The following TACR3 variants were observed in gnomAD, a reference collection of about 807,000 sequenced individuals.
TACR3 encodes neuromedin-K receptor.
A neutral mutation model predicts 35.0 loss-of-function variants in TACR3; 34 were observed. The observed-to-expected ratio is 0.97, with a 90% CI of 0.74 to 1.30. The LOEUF is 1.30. Among genes scored for constraint, TACR3 ranks in the 50% most tolerant of loss-of-function variants. The pLI is 0.00. For missense variants in TACR3, 558 were observed against 591.7 expected, an observed-to-expected ratio of 0.94 and a Z score of 0.59; for synonymous variants, 233 against 221.1, an observed-to-expected ratio of 1.05 and a Z score of -0.48.
In TACR3 at chr4:103,586,865, A is replaced by G. The variant is rs982371433; in HGVS notation, c.*2817T>C. 6.6e-6 allele frequency: 1 copy of G among 152,084 alleles called. No homozygotes were observed. The highest frequency in any genetic ancestry group is 2.4e-5 in the African/African-American group (1 of 41,402). 9.4% of individuals were successfully genotyped at this position (152,084 alleles called of 1,614,324 possible). A position where few individuals can be genotyped will look rare whatever the true frequency, so the allele number is the denominator to read the frequency against. ...TACTTTGTCCAGATGCAAAATAGTA[A>G]GCAATGTTTATTTTTGATTTAATGT... is the stretch of plus-strand genomic sequence containing the variant. On this transcript the variant is annotated 3_prime_UTR_variant, in exon 5 of 5. Transcript: ENST00000304883.
At chr4:103,656,732 C>T (rs1725741333) in intron 2 of TACR3, among the ~76,000 whole-genome samples, 1 of 151,982 alleles carries the variant, frequency 6.6e-6, no homozygotes, top group Non-Finnish European at 1.5e-5. Context: ...AATGAATCAA[C>T]CGGCATATGT....
chr4:103,666,564 A>G (rs1451147735), intron 1 of TACR3, among the ~76,000 whole-genome samples: 3 of 152,200 alleles, frequency 2.0e-5, no homozygotes, highest in African/African-American at 4.8e-5. Context: ...CACTCTAAGA[A>G]CTTTATATAT....
At chr4:103,610,817 CAG>C (rs1724496646) in intron 3 of TACR3, among the ~76,000 whole-genome samples, 1 of 152,088 alleles carries the variant, frequency 6.6e-6, no homozygotes, top group Non-Finnish European at 1.5e-5. Context: ...TGTTGAAAAA[CAG>C]AGGTCTAGTT....
At chr4:103,664,525 C>A (rs763999348) in intron 1 of TACR3, among the ~76,000 whole-genome samples, 6 of 152,046 alleles carry the variant, frequency 3.9e-5, no homozygotes, top group Admixed American at 3.9e-4. Context: ...TAAAATGATA[C>A]GAATTTTACT....
chr4:103,636,913 C>G (rs1309685971), intron 3 of TACR3, among the ~76,000 whole-genome samples: 1 of 152,030 alleles, frequency 6.6e-6, no homozygotes, highest in Non-Finnish European at 1.5e-5. Flanking sequence ...CTGAATAGAC[C>G]AATAACAGGC....
chr4:103,603,351 G>A (rs1213361117), intron 3 of TACR3, among the ~76,000 whole-genome samples: 8 of 152,318 alleles, frequency 5.3e-5, no homozygotes, highest in East Asian at 1.9e-4. Context: ...TCCCGGGTGA[G>A]GTTATGCCTC....
At chr4:103,632,935 A>G (rs1263129118) in intron 3 of TACR3, among the ~76,000 whole-genome samples, 6 of 152,122 alleles carry the variant, frequency 3.9e-5, no homozygotes, top group African/African-American at 1.4e-4. Flanking sequence ...TAATTTATAG[A>G]AGGAAGAATA....
intron 1 of TACR3, among the ~76,000 whole-genome samples, chr4:103,698,782 T>C (rs1722583305): frequency 6.6e-6 from 1 of 151,662 alleles, no homozygotes. Context: ...TAAAATAAAA[T>C]AAAAGAGTGG....
chr4:103,719,773 G>T lies in TACR3; in HGVS notation c.-98C>A, dbSNP rs1189390876. 8.8e-6 allele frequency: 13 copies of T among 1,483,822 alleles called. No individual in the cohort carries two copies. Among genetic ancestry groups the T allele is most frequent in the African/African-American group, 1.4e-5 (1 of 72,142 alleles). The allele number at this position is 1,483,822 out of a possible 1,614,324, so 91.9% of individuals were successfully genotyped here. On this transcript the variant is annotated 5_prime_UTR_variant, in exon 1 of 5. Transcript: ENST00000304883. ...TTCTCTGCCTCCTGGTCACTTTGGTGCCGGAGTCTTCAGATAAGACTGGAA... is the reference window on the plus strand; with the variant it reads ...TTCTCTGCCTCCTGGTCACTTTGGTTCCGGAGTCTTCAGATAAGACTGGAA...
At chr4:103,600,908 G>C (rs937348984) in intron 3 of TACR3, among the ~76,000 whole-genome samples, 1 of 152,062 alleles carries the variant, frequency 6.6e-6, no homozygotes, top group Non-Finnish European at 1.5e-5. Context: ...AGTAGGTGTG[G>C]TGTGGTGCTG....
rs1418875268 is a variant in TACR3 at position 103,597,543 on chromosome 4, C to G, written c.889-5860G>C. Among the ~76,000 whole-genome samples the G allele has an allele frequency of 3.3e-5, 5 of 151,906 alleles. 1 individual carries two copies. Among genetic ancestry groups the G allele is most frequent in the South Asian group, 4.2e-4 (2 of 4,816 alleles). On this transcript the variant is annotated intron_variant, in intron 3 of 4. Transcript: ENST00000304883. The stretch of plus-strand genomic sequence containing the variant: ...ATATGTATACATGTGCCATGTTGGT[C>G]TGCTGCACCCATTAACTCGTCATTT...
At chr4:103,712,754 C>T (rs1578269528) in intron 1 of TACR3, among the ~76,000 whole-genome samples, 1 of 152,208 alleles carries the variant, frequency 6.6e-6, no homozygotes, top group African/African-American at 2.4e-5. Flanking sequence ...CCAGAATCTA[C>T]AAAGAACTCA....
At chr4:103,605,766 T>C (rs1217891949) in intron 3 of TACR3, among the ~76,000 whole-genome samples, 5 of 151,134 alleles carry the variant, frequency 3.3e-5, no homozygotes, top group Non-Finnish European at 5.9e-5. Flanking sequence ...TTCTCCCATT[T>C]TGTAGGTTGC....
intron 1 of TACR3, among the ~76,000 whole-genome samples, chr4:103,691,736 C>T (rs10029294): frequency 0.03 from 4,629 of 152,178 alleles, 230 homozygotes; most frequent in African/African-American, 0.1. Context: ...CTGCCCAGGG[C>T]GGAAAACTGC....
intron 1 of TACR3, among the ~76,000 whole-genome samples, chr4:103,700,935 C>T (rs1019354985): frequency 6.6e-6 from 1 of 152,230 alleles, no homozygotes; most frequent in Admixed American, 6.5e-5. Context: ...AACCCACAGC[C>T]AATATCATAC....
chr4:103,675,396 G>T, intron 1 of TACR3, among the ~76,000 whole-genome samples: 1 of 152,110 alleles, frequency 6.6e-6, no homozygotes, highest in Non-Finnish European at 1.5e-5. Flanking sequence ...CTATATTGTG[G>T]GAAATATATT....
intron 3 of TACR3, among the ~76,000 whole-genome samples, chr4:103,630,134 C>A (rs1401489130): frequency 1.3e-5 from 2 of 152,016 alleles, no homozygotes; most frequent in Non-Finnish European, 2.9e-5. Flanking sequence ...ACTGGCTGCC[C>A]TATGAAGAAA....
At chr4:103,629,862 A>C (rs7440531) in intron 3 of TACR3, among the ~76,000 whole-genome samples, 22,056 of 110,600 alleles carry the variant, frequency 0.2, 2,330 homozygotes, top group East Asian at 0.25. Flanking sequence ...AAAAAAAAAC[A>C]AAAAAAAAAC....
intron 3 of TACR3, among the ~76,000 whole-genome samples, chr4:103,598,636 T>G (rs2110288254): frequency 6.6e-6 from 1 of 152,258 alleles, no homozygotes; most frequent in African/African-American, 2.4e-5. Flanking sequence ...TTATATAAGG[T>G]GTAAGGAAGG....
Sources: allele counts gnomAD v4.1 joint callset (sites outside exome capture counted in the v4.1 genomes callset), GRCh38; gene constraint gnomAD v4.1.1; transcripts MANE v1.5; gene names NCBI Gene and HGNC (gene_info 2026-07-23, HGNC 2026-07-21).